ASIC5: variants seen among roughly 807,000 people sequenced by gnomAD.
The protein encoded by ASIC5 is bile acid-sensitive ion channel.
In ASIC5, 52 loss-of-function variants were observed where a neutral mutation model predicts 51.2. The observed-to-expected ratio is 1.02, with a 90% confidence interval of 0.81 to 1.28. The LOEUF (loss-of-function observed/expected upper bound fraction) is 1.28. Ranked by LOEUF, ASIC5 falls within the 50% of genes most tolerant of loss-of-function variation. ASIC5 has a pLI of 0.00. For missense variants in ASIC5, 635 were observed against 595.0 expected (o/e 1.07, Z -0.70); for synonymous variants, 231 against 200.7 (o/e 1.15, Z -1.28).
chr4:155,836,749 G>A lies in ASIC5; in HGVS notation c.1175C>T (p.Pro392Leu), dbSNP rs139903903. Residue 392 changes from proline to leucine, a missense_variant, in exon 8 of 10, where the codon CCA becomes CTA. Pro to Leu is a moderately conservative substitution (Grantham distance 98, BLOSUM62 -3). Transcript: ENST00000537611. Reference sequence around the variant, plus strand: ...AAGATATTTCAAAGCTTTTTGACTTGGAAAAGAGGAATAAGAAATAGTGGC... The same window carrying A: ...AAGATATTTCAAAGCTTTTTGACTTAGAAAAGAGGAATAAGAAATAGTGGC... The part of the protein sequence containing the change: ...YPATISYSSF[P>L]SQKALKYLSK... 35 of 1,610,574 alleles carry A rather than the reference G, an allele frequency of 2.2e-5. No individual in the cohort carries two copies. Among genetic ancestry groups the A allele is most frequent in the Non-Finnish European group, 3.0e-5 (35 of 1,177,240 alleles).
At chr4:155,857,736 C>T (rs2110752500) in intron 2 of ASIC5, among the ~76,000 whole-genome samples, 1 of 152,158 alleles carries the variant, frequency 6.6e-6, no homozygotes, top group South Asian at 2.1e-4. Flanking sequence ...AAAACAGATC[C>T]ATTTCTCGTA....
chr4:155,837,527 T>C (rs1741013076), intron 7 of ASIC5, among the ~76,000 whole-genome samples: 1 of 152,194 alleles, frequency 6.6e-6, no homozygotes. Flanking sequence ...CTGCTCCTCA[T>C]TCATGGTAGA....
chr4:155,830,953 T>C (rs1384162689), intron 9 of ASIC5, among the ~76,000 whole-genome samples: 1 of 152,222 alleles, frequency 6.6e-6, no homozygotes, highest in African/African-American at 2.4e-5. Flanking sequence ...AATTTACATA[T>C]TTCCTCCATA....
Position 155,843,834 on chromosome 4 carries a change from A to G in ASIC5, c.712-4T>C. On this transcript the variant is annotated splice_region_variant and splice_polypyrimidine_tract_variant and intron_variant, in intron 4 of 9. Coordinates refer to ENST00000537611, the MANE Select transcript of ASIC5 (RefSeq NM_017419.3). Reference sequence around the variant, plus strand: ...CTGGGTTATCAGTGAATGCCTCCTGAAACAAAAATATGTTTTTGCCCAAAT... The same window carrying G: ...CTGGGTTATCAGTGAATGCCTCCTGGAACAAAAATATGTTTTTGCCCAAAT... 6.2e-7 allele frequency: 1 copy of G among 1,613,216 alleles called. No individual in the cohort carries two copies. Among genetic ancestry groups the G allele is most frequent in the Admixed American group, 1.7e-5 (1 of 59,876 alleles).
chr4:155,865,228 C>T (rs886081475), intron 1 of ASIC5: 1 of 151,758 alleles, frequency 6.6e-6, no homozygotes, highest in African/African-American at 2.4e-5. Context: ...TGAAGTTGGA[C>T]TAAAATCTTA....
At chr4:155,848,940 C>T (rs565505708) in intron 4 of ASIC5, among the ~76,000 whole-genome samples, 12 of 152,120 alleles carry the variant, frequency 7.9e-5, no homozygotes, top group East Asian at 5.8e-4. Flanking sequence ...ATGAACAAAA[C>T]GTGGAGCATA....
intron 1 of ASIC5, 124 bp from the exon 2 acceptor site, chr4:155,863,878 A>C (rs545785164): frequency 1.3e-6 from 1 of 784,318 alleles, no homozygotes; most frequent in Admixed American, 2.9e-5. Context: ...TAATTCATAG[A>C]AACTAAAAAT....
At chr4:155,860,067 C>T (rs1035182436) in intron 2 of ASIC5, among the ~76,000 whole-genome samples, 1 of 151,874 alleles carries the variant, frequency 6.6e-6, no homozygotes, top group Non-Finnish European at 1.5e-5. Flanking sequence ...TTAAATGTAA[C>T]TAGACTATTT....
intron 6 of ASIC5, among the ~76,000 whole-genome samples, chr4:155,839,431 G>GTAAGTACCAATATTTGT (rs1741068165): frequency 6.6e-6 from 1 of 151,752 alleles, no homozygotes; most frequent in East Asian, 1.9e-4. Flanking sequence ...GAGGGGGCAG[G>GTAAGTACCAATATTTGT]TAAGTACCAA....
intron 8 of ASIC5, 73 bp downstream of exon 8, chr4:155,836,616 T>A: frequency 2.3e-6 from 2 of 887,388 alleles, no homozygotes; most frequent in East Asian, 2.6e-5. Flanking sequence ...ATTTCCTGAG[T>A]CTTTGAGGGT....
Position 155,842,273 on chromosome 4 carries a change from A to G in ASIC5, c.943T>C (p.Cys315Arg), listed in dbSNP as rs376587516. Residue 315 changes from cysteine to arginine, a missense_variant, in exon 6 of 10, where the codon TGC (cysteine) becomes CGC (arginine). By Grantham distance (180) the Cys-to-Arg change is radical (BLOSUM62 -3). Coordinates refer to ENST00000537611, the MANE Select transcript of ASIC5 (RefSeq NM_017419.3). ...TGCTGGGCTTTGCATTCCTTCAAGC[A>G]ACCAGAAGTGCTGTAGCTGCTAAAA... is the stretch of plus-strand genomic sequence containing the variant. ...QNFSSYSTSG[C>R]LKECKAQHIK... is the part of the protein sequence containing the mutation. The G allele has an allele frequency of 6.2e-7, 1 of 1,613,770 alleles. No individual in the cohort carries two copies. Among genetic ancestry groups the G allele is most frequent in the East Asian group, 2.2e-5 (1 of 44,836 alleles).
At chr4:155,835,437 AC>A (rs1740957621) in intron 8 of ASIC5, among the ~76,000 whole-genome samples, 1 of 151,670 alleles carries the variant, frequency 6.6e-6, no homozygotes, top group Non-Finnish European at 1.5e-5. Flanking sequence ...AGAAAAAAAA[AC>A]AGCATTCCCT....
intron 6 of ASIC5, among the ~76,000 whole-genome samples, chr4:155,841,585 T>C (rs112364613): frequency 1.6e-4 from 24 of 152,256 alleles, no homozygotes; most frequent in African/African-American, 5.8e-4. Context: ...TTGCAAATTG[T>C]ATGAAAAGGA....
intron 2 of ASIC5, among the ~76,000 whole-genome samples, chr4:155,857,708 C>T (rs1289909700): frequency 6.6e-6 from 1 of 152,016 alleles, no homozygotes; most frequent in Non-Finnish European, 1.5e-5. Context: ...CTGACTCAGG[C>T]CTTATTTGAG....
At chr4:155,844,281 G>A (rs922691748) in intron 4 of ASIC5, among the ~76,000 whole-genome samples, 3 of 151,686 alleles carry the variant, frequency 2.0e-5, no homozygotes, top group African/African-American at 7.3e-5. Context: ...TTTCATTTGG[G>A]GGTCTGAGGT....
At chr4:155,862,292 G>A (rs548474915) in intron 2 of ASIC5, among the ~76,000 whole-genome samples, 5 of 152,074 alleles carry the variant, frequency 3.3e-5, no homozygotes, top group African/African-American at 9.6e-5. Context: ...TCATACAAAC[G>A]GGCTATAACA....
intron 8 of ASIC5, among the ~76,000 whole-genome samples, 158 bp from the exon 9 acceptor site, chr4:155,832,073 G>A (rs1426447560): frequency 6.6e-6 from 1 of 152,152 alleles, no homozygotes; most frequent in East Asian, 1.9e-4. Flanking sequence ...GATGTAGAAG[G>A]CATTTTGTCA....
chr4:155,853,590 TAATATATACTAGTTATTATATATAATATA>T (rs1741441404), intron 3 of ASIC5, among the ~76,000 whole-genome samples: 3 of 131,048 alleles, frequency 2.3e-5, no homozygotes, highest in Admixed American at 7.7e-5. Context: ...ATATAATATA[TAATATATACTAGTTATTATATATAATATA>T]TAATATATAA....
At chr4:155,841,349 T>TCTGTGCCA (rs1184491024) in intron 6 of ASIC5, among the ~76,000 whole-genome samples, 1 of 152,168 alleles carries the variant, frequency 6.6e-6, no homozygotes, top group African/African-American at 2.4e-5. Context: ...AGGCACTATT[T>TCTGTGCCA]GAACCACTTA....
Sources: allele counts gnomAD v4.1 joint callset (sites outside exome capture counted in the v4.1 genomes callset), GRCh38; gene constraint gnomAD v4.1.1; transcripts MANE v1.5; gene names NCBI Gene and HGNC (gene_info 2026-07-23, HGNC 2026-07-21).